Variants in EDA observed in about 807,000 individuals in gnomAD.
EDA encodes the protein ectodysplasin-A.
Under a neutral mutation model 23.6 loss-of-function variants are expected in EDA, and 2 were observed. That is an observed-to-expected ratio of 0.08 (90% CI 0.03 to 0.27). EDA has a LOEUF of 0.27. Among genes scored for constraint, EDA ranks in the 10% least tolerant of loss-of-function variants. EDA has a pLI of 1.00. For synonymous variants in EDA, 131 were observed against 132.0 expected (o/e 0.99, Z 0.05); for missense variants, 229 against 324.2 (o/e 0.71, Z 2.26).
At chrX:69,662,053 A>G (rs1933528403) in intron 1 of EDA, among the ~76,000 whole-genome samples, 1 of 111,481 alleles carries the variant, frequency 9.0e-6, no homozygotes, top group Non-Finnish European at 1.9e-5. Flanking sequence ...CATGTTGTAC[A>G]TTAGATCTCT....
In EDA at chrX:69,888,978, T is replaced by TATATATATATATATATATATATATA. The variant is rs1556026049; in HGVS notation, c.397-68049_397-68048insATATATATATATATATATATATATA. The stretch of plus-strand genomic sequence containing the variant: ...GTGGAATTGTTGTATTGTGGGGTAG[T>TATATATATATATATATATATATATA]TATATATATATATATATATATATAT... On this transcript the variant is annotated intron_variant, in intron 1 of 7. Coordinates refer to ENST00000374552, the MANE Select transcript of EDA (RefSeq NM_001399.5). Among the ~76,000 whole-genome samples, 11 of 16,013 alleles carry TATATATATATATATATATATATATA rather than the reference T, an allele frequency of 6.9e-4. 2 individuals carry two copies. The highest frequency in any genetic ancestry group is 7.2e-4 in the Non-Finnish European group (7 of 9,676). The allele number at this position is 16,013 out of a possible 115,157, so 13.9% of individuals were successfully genotyped here.
intron 1 of EDA, among the ~76,000 whole-genome samples, chrX:69,720,210 T>C (rs191194731): frequency 1.4e-3 from 153 of 112,509 alleles, no homozygotes; most frequent in Non-Finnish European, 1.8e-3. Context: ...TTGAAAAATA[T>C]TGTGCCCTTT....
At chrX:69,637,879 G>C (rs892602866) in intron 1 of EDA, among the ~76,000 whole-genome samples, 1 of 110,693 alleles carries the variant, frequency 9.0e-6, no homozygotes, top group African/African-American at 3.3e-5. Flanking sequence ...AGCAAGCAAA[G>C]GGGGAAATGC....
intron 1 of EDA, among the ~76,000 whole-genome samples, chrX:69,754,354 G>C (rs1242291314): frequency 9.0e-6 from 1 of 111,593 alleles, no homozygotes; most frequent in African/African-American, 3.3e-5. Flanking sequence ...GAAATTCTGG[G>C]TTGAAAATTC....
chrX:69,838,835 T>C (rs1449961310), intron 1 of EDA, among the ~76,000 whole-genome samples: 2 of 111,919 alleles, frequency 1.8e-5, no homozygotes, highest in Non-Finnish European at 3.8e-5. Flanking sequence ...ATTATTCCTT[T>C]CAAACTGACT....
intron 1 of EDA, among the ~76,000 whole-genome samples, chrX:69,875,233 CT>C (rs1369107211): frequency 8.9e-6 from 1 of 111,932 alleles, no homozygotes; most frequent in Non-Finnish European, 1.9e-5. Context: ...TTGAACTATA[CT>C]ATAAGGCTAT....
At chrX:69,682,154 C>T (rs1015359166) in intron 1 of EDA, among the ~76,000 whole-genome samples, 26 of 112,400 alleles carry the variant, frequency 2.3e-4, no homozygotes, top group Non-Finnish European at 3.6e-4. Context: ...GTCAGGGACC[C>T]GCTTGTGGAG....
chrX:69,785,467 A>T (rs1189912995), intron 1 of EDA, among the ~76,000 whole-genome samples: 1 of 106,591 alleles, frequency 9.4e-6, no homozygotes, highest in Non-Finnish European at 2.0e-5. Flanking sequence ...GATATGTCCC[A>T]CCAATACCTA....
intron 1 of EDA, among the ~76,000 whole-genome samples, chrX:69,877,956 A>G (rs763189442): frequency 4.4e-5 from 5 of 112,605 alleles, no homozygotes; most frequent in Non-Finnish European, 9.4e-5. Flanking sequence ...TCTTTGTCAA[A>G]AAGCAATTGA....
At chrX:70,011,566 G>A (rs757464193) in intron 2 of EDA, among the ~76,000 whole-genome samples, 34 of 110,614 alleles carry the variant, frequency 3.1e-4, no homozygotes, top group Non-Finnish European at 5.7e-4. Flanking sequence ...TGAACAAACT[G>A]TTATCTAGTA....
intron 2 of EDA, among the ~76,000 whole-genome samples, chrX:70,022,158 G>A (rs775424727): frequency 1.8e-5 from 2 of 109,579 alleles, no homozygotes; most frequent in South Asian, 4.0e-4. Flanking sequence ...GTCTGGGAGC[G>A]ACCTAAACTG....
rs189687343 is a variant in EDA at position 69,683,933 on chromosome X, G to A, written c.396+67229G>A. ...CTTAAATCTTGTTTTAACTACCTAAGGACCTTATACCAGATTATGAAATTG... is the reference window on the plus strand; with the variant it reads ...CTTAAATCTTGTTTTAACTACCTAAAGACCTTATACCAGATTATGAAATTG... On this transcript the variant is annotated intron_variant, in intron 1 of 7. Transcript: ENST00000374552. 2.8e-3 allele frequency among the ~76,000 whole-genome samples: 315 copies of A among 111,844 alleles called. 2 individuals carry two copies. The highest frequency in any genetic ancestry group is 9.7e-3 in the African/African-American group (298 of 30,828).
At chrX:69,826,031 C>A (rs376601267) in intron 1 of EDA, among the ~76,000 whole-genome samples, 1,160 of 107,484 alleles carry the variant, frequency 0.011, 27 homozygotes, top group African/African-American at 0.038. Context: ...CTTAATCCTG[C>A]GTTCTAGTTT....
rs930691779 is a variant in EDA at position 70,012,165 on chromosome X, A to G, written c.503-11053A>G. ...TGCAGGTGGGTTTTGTCGAAAGAAA[A>G]CATATGGTTACAAATAGGGGGAATT... On this transcript the variant is annotated intron_variant, in intron 2 of 7. Transcript: ENST00000374552. 3.6e-5 allele frequency among the ~76,000 whole-genome samples: 4 copies of G among 112,035 alleles called. No homozygotes were observed. The South Asian group carries it at 1.5e-3, about 42-fold the overall frequency.
chrX:69,752,112 T>C (rs1256037964), intron 1 of EDA, among the ~76,000 whole-genome samples: 1 of 111,391 alleles, frequency 9.0e-6, no homozygotes, highest in African/African-American at 3.3e-5. Flanking sequence ...TCCAACACTA[T>C]GTTGAATAGG....
intron 2 of EDA, among the ~76,000 whole-genome samples, chrX:70,000,922 T>C (rs2019732120): frequency 8.9e-6 from 1 of 111,802 alleles, no homozygotes; most frequent in African/African-American, 3.3e-5. Flanking sequence ...GGAAGAGAAA[T>C]GTATTTCCTG....
chrX:69,914,884 A>G (rs192823902), intron 1 of EDA, among the ~76,000 whole-genome samples: 108 of 111,409 alleles, frequency 9.7e-4, no homozygotes, highest in Non-Finnish European at 1.8e-3. Context: ...ACATTTTCCA[A>G]CTTCCTTCTA....
intron 1 of EDA, among the ~76,000 whole-genome samples, chrX:69,798,794 G>T (rs1167799949): frequency 9.0e-6 from 1 of 110,535 alleles, no homozygotes; most frequent in Non-Finnish European, 1.9e-5. Flanking sequence ...CACACCTACA[G>T]AAAATAGAGA....
chrX:69,941,757 T>A lies in EDA; in HGVS notation c.397-15270T>A, dbSNP rs746814518. ...CCACTCTATGTTTTTTGATTGAAGATTTTAGTCCATTTACACTCAATGTTA... is the reference window on the plus strand; with the variant it reads ...CCACTCTATGTTTTTTGATTGAAGAATTTAGTCCATTTACACTCAATGTTA... On this transcript the variant is annotated intron_variant, in intron 1 of 7. Coordinates refer to ENST00000374552, the MANE Select transcript of EDA (RefSeq NM_001399.5). Among the ~76,000 whole-genome samples the A allele has an allele frequency of 1.1e-3, 122 of 111,457 alleles. 1 individual carries two copies. The highest frequency in any genetic ancestry group is 5.6e-3 in the East Asian group (20 of 3,560).
Sources: allele counts gnomAD v4.1 joint callset (sites outside exome capture counted in the v4.1 genomes callset), GRCh38; gene constraint gnomAD v4.1.1; transcripts MANE v1.5; gene names NCBI Gene and HGNC (gene_info 2026-07-23, HGNC 2026-07-21).